The following LCOR variants were observed in gnomAD, a reference collection of about 807,000 sequenced individuals.
The protein encoded by LCOR is ligand dependent nuclear receptor corepressor, also known as ligand-dependent corepressor.
A neutral mutation model predicts 64.4 loss-of-function variants in LCOR; 14 were observed. That is an observed-to-expected ratio of 0.22 (90% CI 0.14 to 0.34). LCOR has a LOEUF of 0.34. Ranked by LOEUF, LCOR falls within the 10% of genes least tolerant of loss-of-function variation. LCOR has a pLI of 1.00. For synonymous variants in LCOR, 643 were observed against 642.5 expected (o/e 1.00, Z -0.01); for missense variants, 1,686 against 1,765.3 (o/e 0.96, Z 0.80).
intron 2 of LCOR, among the ~76,000 whole-genome samples, chr10:96,897,770 A>G (rs1333362874): frequency 1.3e-5 from 2 of 152,110 alleles, no homozygotes; most frequent in Admixed American, 1.3e-4. Flanking sequence ...TGGGCCAGCA[A>G]AAGCTGTTTG....
Position 96,952,110 on chromosome 10 carries a change from A to G in LCOR, c.246A>G (p.Val82=), listed in dbSNP as rs779813329. 11 of 1,612,900 alleles carry G rather than the reference A, an allele frequency of 6.8e-6. No homozygotes were observed. Among genetic ancestry groups the G allele is most frequent in the African/African-American group, 1.3e-5 (1 of 74,992 alleles). The change falls in exon 7 of 8, where the codon GTA becomes GTG. Residue 82 remains valine (V), a synonymous_variant. Transcript: ENST00000421806. ...TTCTTTGTGTCTCTGCAGACGGTGT[A>G]CTTGATCTGTCCACTAAGAAAAGTC... The part of the protein sequence containing the change: ...SQSEPSEQDG[V]LDLSTKKSPC...
intron 4 of LCOR, chr10:96,915,937 G>T (rs1846934842): frequency 2.1e-5 from 8 of 373,910 alleles, no homozygotes; most frequent in Non-Finnish European, 4.1e-5. Flanking sequence ...TAGGTGCTAG[G>T]CGCAGGATGC....
chr10:96,982,671 C>T lies in LCOR; in HGVS notation c.2211C>T (p.Asp737=), dbSNP rs1848102916. Residue 737 remains aspartate, a synonymous_variant, in exon 8 of 8, where the codon GAC becomes GAT. Coordinates refer to ENST00000421806, the MANE Select transcript of LCOR (RefSeq NM_001346516.2). ...QSISAEVESG[D]TQELNVDPLL... Reference sequence around the variant, plus strand: ...TCAGTGCTGAGGTTGAGTCTGGAGACACCCAGGAGCTAAATGTCGACCCAC... The same window carrying T: ...TCAGTGCTGAGGTTGAGTCTGGAGATACCCAGGAGCTAAATGTCGACCCAC... The T allele has an allele frequency of 6.2e-7, 1 of 1,613,994 alleles. No homozygotes were observed. The highest frequency in any genetic ancestry group is 1.3e-5 in the African/African-American group (1 of 74,898).
chr10:96,981,800 C>A lies in LCOR; in HGVS notation c.1340C>A (p.Thr447Asn). The A allele has an allele frequency of 6.2e-7, 1 of 1,614,176 alleles. No individual in the cohort carries two copies. The highest frequency in any genetic ancestry group is 8.5e-7 in the Non-Finnish European group (1 of 1,180,040). ...CACTCAAGAACCAAGATGATATCAA[C>A]CTCCATCAAGACAGCTCGGAAAAGT... The part of the protein sequence containing the change: ...NGHSRTKMIS[T>N]SIKTARKSKR... Residue 447 changes from threonine to asparagine, a missense_variant, in exon 8 of 8, where the codon ACC (threonine) becomes AAC (asparagine). Thr to Asn is a moderately conservative substitution (Grantham distance 65, BLOSUM62 0). This residue lies in a region of LCOR where 1,293 missense variants were observed against 1,410.4 expected (regional missense o/e 0.92). Coordinates refer to ENST00000421806, the MANE Select transcript of LCOR (RefSeq NM_001346516.2).
Position 96,994,306 on chromosome 10 carries a change from C to T in LCOR, c.*9172C>T, listed in dbSNP as rs920221827. ...GGCTTGAAATGTCTAAAGCTGCCTT[C>T]GTGTCTGGGATTACACCATGTAGGT... is the stretch of plus-strand genomic sequence containing the variant. On this transcript the variant is annotated 3_prime_UTR_variant, in exon 8 of 8. Transcript: ENST00000421806. The T allele has an allele frequency of 1.3e-5, 2 of 152,154 alleles. No individual in the cohort carries two copies. Among genetic ancestry groups the T allele is most frequent in the Admixed American group, 1.3e-4 (2 of 15,270 alleles). 9.4% of individuals were successfully genotyped at this position (152,154 alleles called of 1,614,324 possible).
chr10:96,835,528 TAAG>T (rs1370777069), intron 2 of LCOR, among the ~76,000 whole-genome samples: 1 of 152,198 alleles, frequency 6.6e-6, no homozygotes. Flanking sequence ...ATTGTAGTGT[TAAG>T]AACTTTCTAT....
At chr10:96,976,318 C>T (rs557726806) in intron 7 of LCOR, among the ~76,000 whole-genome samples, 2 of 152,282 alleles carry the variant, frequency 1.3e-5, no homozygotes, top group African/African-American at 4.8e-5. Flanking sequence ...GTTGGTGTAG[C>T]CTGTGTCAGT....
chr10:96,892,322 TATC>T (rs779807724), intron 2 of LCOR, among the ~76,000 whole-genome samples: 2 of 152,200 alleles, frequency 1.3e-5, no homozygotes, highest in Non-Finnish European at 2.9e-5. Context: ...GATTGACTCT[TATC>T]ATTATATAAT....
At chr10:96,874,562 A>G (rs1394506879) in intron 2 of LCOR, among the ~76,000 whole-genome samples, 10 of 152,164 alleles carry the variant, frequency 6.6e-5, no homozygotes, top group Admixed American at 6.5e-4. Context: ...TAATTCTGCA[A>G]ATCATGAACT....
At chr10:96,875,376 TA>T (rs541035827) in intron 2 of LCOR, among the ~76,000 whole-genome samples, 104 of 146,286 alleles carry the variant, frequency 7.1e-4, no homozygotes, top group African/African-American at 1.3e-3. Context: ...CTGTCTCAAA[TA>T]AAAAAAAAAA....
At chr10:96,853,528 T>C (rs1398575026) in intron 2 of LCOR, among the ~76,000 whole-genome samples, 6 of 152,222 alleles carry the variant, frequency 3.9e-5, no homozygotes, top group Non-Finnish European at 7.3e-5. Flanking sequence ...TCAGCTAATC[T>C]GGTCTAGGCT....
At chr10:96,977,493 G>T (rs1468496693) in intron 7 of LCOR, among the ~76,000 whole-genome samples, 1 of 152,096 alleles carries the variant, frequency 6.6e-6, no homozygotes, top group Non-Finnish European at 1.5e-5. Context: ...GTATCAGGAA[G>T]AATAAATTAT....
intron 2 of LCOR, among the ~76,000 whole-genome samples, chr10:96,835,364 T>G (rs1845424896): frequency 6.6e-6 from 1 of 152,198 alleles, no homozygotes; most frequent in Non-Finnish European, 1.5e-5. Context: ...GATAGTAAAG[T>G]TCAGAAGATT....
At chr10:96,866,082 G>A (rs1392997781) in intron 2 of LCOR, among the ~76,000 whole-genome samples, 1 of 152,044 alleles carries the variant, frequency 6.6e-6, no homozygotes, top group Non-Finnish European at 1.5e-5. Context: ...CCTAATGTTT[G>A]TATGTGGTGC....
intron 2 of LCOR, among the ~76,000 whole-genome samples, chr10:96,873,571 CGTGTGTGTGTGTGTGTGT>C (rs55893181): frequency 8.0e-4 from 101 of 126,386 alleles, no homozygotes; most frequent in South Asian, 4.0e-3. Context: ...CACACACACA[CGTGTGTGTGTGTGTGTGT>C]GTGTGTGTGT....
At chr10:96,913,312 T>G (rs562760966) in intron 4 of LCOR, among the ~76,000 whole-genome samples, 70 of 152,268 alleles carry the variant, frequency 4.6e-4, no homozygotes, top group Non-Finnish European at 7.8e-4. Context: ...CCACTGAGAT[T>G]TTTTGATTAC....
At chr10:96,855,486 G>A (rs1192833258) in intron 2 of LCOR, among the ~76,000 whole-genome samples, 3 of 152,074 alleles carry the variant, frequency 2.0e-5, no homozygotes, top group Non-Finnish European at 4.4e-5. Context: ...CCAGGCTGGA[G>A]TGCAATGACG....
At chr10:96,915,214 G>A (rs12249381) in intron 4 of LCOR, among the ~76,000 whole-genome samples, 21,040 of 152,178 alleles carry the variant, frequency 0.14, 1,974 homozygotes, top group African/African-American at 0.26. Flanking sequence ...TCACAGCATA[G>A]CTTTTAAAAA....
chr10:96,834,389 A>G (rs1471137622), intron 2 of LCOR, among the ~76,000 whole-genome samples: 1 of 152,186 alleles, frequency 6.6e-6, no homozygotes, highest in Non-Finnish European at 1.5e-5. Flanking sequence ...CCAGGAAACA[A>G]ACAGCCTTTT....
Sources: gnomAD v4.1 joint callset for allele counts (sites outside exome capture counted in the v4.1 genomes callset) on GRCh38, gnomAD v4.1.1 for gene constraint, gnomAD v4.1.1 regional missense constraint, MANE v1.5 for transcripts, NCBI Gene and HGNC (gene_info 2026-07-23, HGNC 2026-07-21) for gene names.